WIF1: variants seen among roughly 807,000 people sequenced by gnomAD.
WIF1 encodes Wnt inhibitory factor 1.
A neutral mutation model predicts 53.5 loss-of-function variants in WIF1; 35 were observed. That is an observed-to-expected ratio of 0.65 (90% confidence interval 0.50 to 0.87). The LOEUF (loss-of-function observed/expected upper bound fraction) is 0.87. WIF1 is among the 40% of genes least tolerant of loss of function. The probability of loss-of-function intolerance (pLI) is 0.00; values close to 1 mark genes in which losing one functional copy is unlikely to be tolerated. For missense variants in WIF1, 467 were observed against 476.8 expected (o/e 0.98, Z 0.19); for synonymous variants, 171 against 170.4 (o/e 1.00, Z -0.03).
chr12:65,085,281 A>C (rs776526790), intron 2 of WIF1, among the ~76,000 whole-genome samples: 2 of 152,180 alleles, frequency 1.3e-5, no homozygotes, highest in African/African-American at 2.4e-5. Context: ...ATATATAATA[A>C]GATATCTTGG....
At chr12:65,088,450 T>C (rs534263091) in intron 2 of WIF1, among the ~76,000 whole-genome samples, 1 of 152,270 alleles carries the variant, frequency 6.6e-6, no homozygotes, top group African/African-American at 2.4e-5. Flanking sequence ...ACTAATGTGA[T>C]GAAAAGATTA....
chr12:65,068,944 C>G lies in WIF1; in HGVS notation c.398-40G>C, dbSNP rs375607367. 34 of 1,586,740 alleles carry G rather than the reference C, an allele frequency of 2.1e-5. No homozygotes were observed. The African/African-American group carries it at 4.1e-4, about 19-fold the overall frequency. Reference sequence around the variant, plus strand: ...GAGAAAGTGTGGAGAAATAGTTAATCTAGTTGATTCTAGTTTTACAGAAAT... The same window carrying G: ...GAGAAAGTGTGGAGAAATAGTTAATGTAGTTGATTCTAGTTTTACAGAAAT... On this transcript the variant is annotated intron_variant, in intron 3 of 9. Transcript: ENST00000286574.
chr12:65,083,040 T>G (rs1882973255), intron 2 of WIF1, among the ~76,000 whole-genome samples: 1 of 152,168 alleles, frequency 6.6e-6, no homozygotes, highest in African/African-American at 2.4e-5. Flanking sequence ...ACAAAAGCTG[T>G]AAGGTTTGAA....
intron 2 of WIF1, among the ~76,000 whole-genome samples, chr12:65,095,058 C>T (rs901685380): frequency 1.5e-4 from 23 of 151,572 alleles, no homozygotes; most frequent in African/African-American, 4.8e-4. Flanking sequence ...TCAACCTCTG[C>T]AGTGGCTGGG....
intron 2 of WIF1, 139 bp from the exon 3 acceptor site, chr12:65,077,993 G>C (rs1177965649): frequency 3.0e-6 from 2 of 657,352 alleles, no homozygotes; most frequent in African/African-American, 3.6e-5. Context: ...AAGATACTGG[G>C]TAGGCACAAC....
At chr12:65,062,626 AAC>A in intron 6 of WIF1, 50 bp from the exon 7 acceptor site, 1 of 1,518,874 alleles carries the variant, frequency 6.6e-7, no homozygotes, top group Non-Finnish European at 9.0e-7. Flanking sequence ...GGTTAAATCT[AAC>A]ACAAATTTCA....
chr12:65,058,215 C>G (rs1420588691), intron 7 of WIF1, among the ~76,000 whole-genome samples: 2 of 152,002 alleles, frequency 1.3e-5, no homozygotes, highest in South Asian at 2.1e-4. Flanking sequence ...AATACCTGAC[C>G]CCAACATATA....
intron 2 of WIF1, among the ~76,000 whole-genome samples, chr12:65,080,274 A>G (rs1487190864): frequency 6.6e-6 from 1 of 152,184 alleles, no homozygotes; most frequent in Non-Finnish European, 1.5e-5. Flanking sequence ...CTAGGTGGGT[A>G]ACAACATTGT....
At chr12:65,106,538 G>GT (rs1407182663) in intron 2 of WIF1, among the ~76,000 whole-genome samples, 1 of 151,744 alleles carries the variant, frequency 6.6e-6, no homozygotes, top group African/African-American at 2.4e-5. Flanking sequence ...TAATTTTTGT[G>GT]TTTTTAGTAG....
At chr12:65,107,185 A>C (rs906465890) in intron 2 of WIF1, among the ~76,000 whole-genome samples, 93 of 152,232 alleles carry the variant, frequency 6.1e-4, no homozygotes, top group African/African-American at 2.2e-3. Context: ...TTACTGCTAT[A>C]AGTGACAGCA....
chr12:65,067,742 C>A lies in WIF1; in HGVS notation c.587G>T (p.Arg196Leu), dbSNP rs144593509. 2 of 1,613,378 alleles carry A rather than the reference C, an allele frequency of 1.2e-6. No homozygotes were observed. The highest frequency in any genetic ancestry group is 8.5e-7 in the Non-Finnish European group (1 of 1,179,472). The change falls in exon 5 of 10, where the codon CGC becomes CTC. Residue 196 changes from arginine to leucine, a missense_variant. Physicochemically the swap from Arg to Leu is moderately radical, Grantham distance 102 (BLOSUM62 -2). Coordinates refer to ENST00000286574, the MANE Select transcript of WIF1 (RefSeq NM_007191.5). ...CRNGGFCNER[R>L]ICECPDGFHG... ...GAACCCATCAGGACACTCGCAGATG[C>A]GTCTTTCATTACAAAAGCCTCCATT...
At chr12:65,109,256 G>A (rs553721121) in intron 2 of WIF1, among the ~76,000 whole-genome samples, 69 of 152,302 alleles carry the variant, frequency 4.5e-4, no homozygotes, top group Non-Finnish European at 7.1e-4. Flanking sequence ...CCTCCTTGGT[G>A]ATGTCTTCTC....
chr12:65,103,692 C>T (rs1312960605), intron 2 of WIF1, among the ~76,000 whole-genome samples: 1 of 151,998 alleles, frequency 6.6e-6, no homozygotes, highest in African/African-American at 2.4e-5. Flanking sequence ...GTAGGCCTAC[C>T]CTTGTGTAAT....
rs549673372 is a variant in WIF1 at position 65,096,433 on chromosome 12, C to T, written c.289-18579G>A. On this transcript the variant is annotated intron_variant, in intron 2 of 9. Coordinates refer to ENST00000286574, the MANE Select transcript of WIF1 (RefSeq NM_007191.5). Reference sequence around the variant, plus strand: ...CTGTTGGTGGGAGTGTAAATTAGTTCAACCATTGTGGAAAGACAGTGTGGC... The same window carrying T: ...CTGTTGGTGGGAGTGTAAATTAGTTTAACCATTGTGGAAAGACAGTGTGGC... Among the ~76,000 whole-genome samples, 101 of 152,206 alleles carry T rather than the reference C, an allele frequency of 6.6e-4. 1 individual carries two copies. Among genetic ancestry groups the T allele is most frequent in the Non-Finnish European group, 8.8e-5 (6 of 68,008 alleles).
At chr12:65,077,431 T>C (rs1418294577) in intron 3 of WIF1, among the ~76,000 whole-genome samples, 7 of 152,202 alleles carry the variant, frequency 4.6e-5, no homozygotes, top group African/African-American at 1.7e-4. Flanking sequence ...CATTAATCCA[T>C]ACATTGGCCA....
chr12:65,120,008 CA>C (rs1883576560), intron 2 of WIF1, among the ~76,000 whole-genome samples: 1 of 152,264 alleles, frequency 6.6e-6, no homozygotes, highest in African/African-American at 2.4e-5. Flanking sequence ...TGCACAATGT[CA>C]AAAATACTTA....
intron 2 of WIF1, among the ~76,000 whole-genome samples, chr12:65,110,237 C>G (rs1467124293): frequency 6.6e-6 from 1 of 151,984 alleles, no homozygotes; most frequent in Non-Finnish European, 1.5e-5. Context: ...ATGTCATCAT[C>G]CCTCCCCTGC....
intron 2 of WIF1, among the ~76,000 whole-genome samples, chr12:65,119,247 C>G (rs1323972929): frequency 6.6e-6 from 1 of 152,138 alleles, no homozygotes; most frequent in Non-Finnish European, 1.5e-5. Context: ...GCAATGGAAA[C>G]CTCGATGAAC....
At chr12:65,071,006 C>A (rs540831054) in intron 3 of WIF1, among the ~76,000 whole-genome samples, 27 of 151,758 alleles carry the variant, frequency 1.8e-4, no homozygotes, top group Non-Finnish European at 3.5e-4. Flanking sequence ...GAGGCCGAGG[C>A]GGGTGCATCA....
Sources: allele counts gnomAD v4.1 joint callset (sites outside exome capture counted in the v4.1 genomes callset), GRCh38; gene constraint gnomAD v4.1.1; transcripts MANE v1.5; gene names NCBI Gene and HGNC (gene_info 2026-07-23, HGNC 2026-07-21).